Variants in ACSL5 observed in about 807,000 individuals in gnomAD.
ACSL5 encodes long-chain-fatty-acid--CoA ligase 5.
Under a neutral mutation model 84.9 loss-of-function variants are expected in ACSL5, and 50 were observed. That is an observed-to-expected ratio of 0.59 (90% CI 0.47 to 0.75). ACSL5 has a LOEUF of 0.75. Among genes scored for constraint, ACSL5 ranks in the 30% least tolerant of loss-of-function variants. The pLI is 0.00. For missense variants in ACSL5, 775 were observed against 830.4 expected, an observed-to-expected ratio of 0.93 and a Z score of 0.82; for synonymous variants, 280 against 300.7, an observed-to-expected ratio of 0.93 and a Z score of 0.71.
intron 3 of ACSL5, among the ~76,000 whole-genome samples, chr10:112,404,225 G>A (rs1843976147): frequency 6.6e-6 from 1 of 152,186 alleles, no homozygotes; most frequent in African/African-American, 2.4e-5. Flanking sequence ...ACCCCATATG[G>A]ATGGCTTTCT....
At chr10:112,407,311 C>T (rs1844063089) in intron 5 of ACSL5, among the ~76,000 whole-genome samples, 1 of 152,118 alleles carries the variant, frequency 6.6e-6, no homozygotes, top group African/African-American at 2.4e-5. Context: ...GCAACCTCCA[C>T]CTCCCGGGTT....
At position 112,395,110 on chromosome 10, in the gene ACSL5, A is replaced by G; in HGVS notation, c.156+8A>G. 1.2e-6 allele frequency: 2 copies of G among 1,609,584 alleles called. No homozygotes were observed. Among genetic ancestry groups the G allele is most frequent in the Non-Finnish European group, 1.7e-6 (2 of 1,176,634 alleles). On this transcript the variant is annotated splice_region_variant and intron_variant, in intron 2 of 20. Transcript: ENST00000354655. ...CAGTCTGTGGGAATTGAGGTAATTTACCAGTCATCCTTTTAGTTTGTCAAC... is the reference window on the plus strand; with the variant it reads ...CAGTCTGTGGGAATTGAGGTAATTTGCCAGTCATCCTTTTAGTTTGTCAAC...
chr10:112,395,152 C>T (rs1246358773), intron 2 of ACSL5, 50 bp downstream of exon 2: 1 of 1,560,468 alleles, frequency 6.4e-7, no homozygotes, highest in Non-Finnish European at 8.8e-7. Flanking sequence ...CAAACTCAAA[C>T]TGTAACTCCA....
Position 112,426,207 on chromosome 10 carries a change from T to C in ACSL5, c.1738-51T>C, listed in dbSNP as rs538660832. 1.2e-4 allele frequency: 174 copies of C among 1,425,968 alleles called. 1 individual carries two copies. In the Middle Eastern group the frequency reaches 1.9e-3, roughly 16 times the overall value. The allele number at this position is 1,425,968 out of a possible 1,614,324, so 88.3% of individuals were successfully genotyped here. ...TGCTTTATTTAACTACTGGGGGACA[T>C]CCCTACATAACTTCTCTCATGCCCT... On this transcript the variant is annotated intron_variant, in intron 18 of 20. Coordinates refer to ENST00000354655, the MANE Select transcript of ACSL5 (RefSeq NM_203379.2).
chr10:112,394,607 C>T (rs899332094), intron 1 of ACSL5: 9 of 465,728 alleles, frequency 1.9e-5, no homozygotes, highest in South Asian at 1.9e-4. Context: ...TGTGCACCAA[C>T]ATTAAAAAGG....
Position 112,398,999 on chromosome 10 carries a change from C to A in ACSL5, c.255C>A (p.Leu85=). The change falls in exon 3 of 21, where the codon CTC becomes CTA. Residue 85 remains leucine, a synonymous_variant. Coordinates refer to ENST00000354655, the MANE Select transcript of ACSL5 (RefSeq NM_203379.2). ...KTMYEVFQRG[L]AVSDNGPCLG... ...TGTATGAGGTTTTCCAAAGAGGACT[C>A]GCTGTGTCTGGTAAGCCTGGTGGTC... 6.2e-7 allele frequency: 1 copy of A among 1,613,412 alleles called. No homozygotes were observed. Among genetic ancestry groups the A allele is most frequent in the Non-Finnish European group, 8.5e-7 (1 of 1,179,470 alleles).
intron 12 of ACSL5, among the ~76,000 whole-genome samples, chr10:112,413,612 C>T (rs1208237874): frequency 2.6e-5 from 4 of 152,092 alleles, no homozygotes; most frequent in Admixed American, 2.6e-4. Context: ...GGGATCTCAG[C>T]TACTTGGGAG....
intron 14 of ACSL5, among the ~76,000 whole-genome samples, chr10:112,420,516 T>A (rs1401914491): frequency 6.6e-6 from 1 of 152,204 alleles, no homozygotes; most frequent in African/African-American, 2.4e-5. Context: ...TATCTTGGCC[T>A]GTACAGATAA....
At chr10:112,394,816 G>C (rs1328972676) in intron 1 of ACSL5, 102 bp from the exon 2 acceptor site, 2 of 1,525,474 alleles carry the variant, frequency 1.3e-6, no homozygotes, top group Non-Finnish European at 1.8e-6. Context: ...GCGCGTGTGT[G>C]TGTGTATGTG....
chr10:112,381,704 C>G (rs1849354264), intron 1 of ACSL5, among the ~76,000 whole-genome samples: 1 of 150,214 alleles, frequency 6.7e-6, no homozygotes, highest in Non-Finnish European at 1.5e-5. Context: ...TGCGGTGGCT[C>G]ACACCTGTAA....
At chr10:112,413,845 C>G (rs1242706946) in intron 12 of ACSL5, among the ~76,000 whole-genome samples, 5 of 152,190 alleles carry the variant, frequency 3.3e-5, no homozygotes, top group Non-Finnish European at 5.9e-5. Flanking sequence ...TGGGGGGCCC[C>G]TCAGGGTTCA....
At chr10:112,408,384 G>A in intron 5 of ACSL5, 38 bp from the exon 6 acceptor site, 1 of 1,284,344 alleles carries the variant, frequency 7.8e-7, no homozygotes, top group Non-Finnish European at 1.1e-6. Flanking sequence ...ACTCTTCAGT[G>A]TGCCCTCCAG....
intron 1 of ACSL5, among the ~76,000 whole-genome samples, chr10:112,391,999 T>C (rs7077197): frequency 0.5 from 75,979 of 151,936 alleles, 19,170 homozygotes; most frequent in Admixed American, 0.59. Flanking sequence ...ACTTTTAGAC[T>C]CTGATTCAAA....
chr10:112,400,583 A>G (rs1843861876), intron 3 of ACSL5, among the ~76,000 whole-genome samples: 1 of 151,216 alleles, frequency 6.6e-6, no homozygotes, highest in Admixed American at 6.6e-5. Flanking sequence ...TGATTTTTGT[A>G]TTTTTAGTAG....
intron 1 of ACSL5, chr10:112,394,643 A>ACATTTCAAAC (rs1400880789): frequency 1.3e-6 from 1 of 775,338 alleles, no homozygotes; most frequent in African/African-American, 1.9e-5. Context: ...ATTGTTTGGG[A>ACATTTCAAAC]AATGATTAAC....
Position 112,404,565 on chromosome 10 carries a change from C to G in ACSL5, c.320C>G (p.Ser107Cys), listed in dbSNP as rs1018514557. Residue 107 changes from serine to cysteine, a missense_variant, in exon 4 of 21, where the codon TCT becomes TGT. Ser to Cys is a moderately radical substitution (Grantham distance 112). Transcript: ENST00000354655. ...RKPNQPYRWL[S>C]YKQVSDRAEY... Reference sequence around the variant, plus strand: ...CCAAACCAGCCCTACAGATGGCTATCTTACAAACAGGTAAGTTGAGTCCAT... The same window carrying G: ...CCAAACCAGCCCTACAGATGGCTATGTTACAAACAGGTAAGTTGAGTCCAT... 4.3e-6 allele frequency: 7 copies of G among 1,613,222 alleles called. No individual in the cohort carries two copies. Among genetic ancestry groups the G allele is most frequent in the Middle Eastern group, 1.6e-4 (1 of 6,084 alleles).
chr10:112,403,849 C>A (rs761031301), intron 3 of ACSL5, among the ~76,000 whole-genome samples: 7 of 152,120 alleles, frequency 4.6e-5, no homozygotes, highest in Non-Finnish European at 8.8e-5. Context: ...AATCTAAATA[C>A]CCACGATGAA....
intron 1 of ACSL5, chr10:112,376,593 C>T: frequency 9.0e-7 from 1 of 1,116,372 alleles, no homozygotes; most frequent in Middle Eastern, 2.7e-4. Flanking sequence ...ATCATGCTGT[C>T]TCCCTCCTGG....
chr10:112,407,844 A>T (rs1410522434), intron 5 of ACSL5, among the ~76,000 whole-genome samples: 1 of 152,108 alleles, frequency 6.6e-6, no homozygotes, highest in Non-Finnish European at 1.5e-5. Context: ...CTGACACCCT[A>T]AGGCTCCTAA....
Sources: allele counts gnomAD v4.1 joint callset (sites outside exome capture counted in the v4.1 genomes callset), GRCh38; gene constraint gnomAD v4.1.1; transcripts MANE v1.5; gene names NCBI Gene and HGNC (gene_info 2026-07-23, HGNC 2026-07-21).